Variants in DLGAP2 observed in about 807,000 individuals in gnomAD.
DLGAP2 encodes the protein DLG associated protein 2.
Under a neutral mutation model 100.3 loss-of-function variants are expected in DLGAP2, and 26 were observed. That is an observed-to-expected ratio of 0.26 (90% confidence interval 0.19 to 0.36). DLGAP2 has a LOEUF of 0.36. DLGAP2 is among the 10% of genes least tolerant of loss of function. DLGAP2 has a pLI of 1.00. For synonymous variants in DLGAP2, 886 were observed against 630.1 expected (o/e 1.41, Z -6.08); for missense variants, 1,858 against 1,453.2 (o/e 1.28, Z -4.53).
intron 1 of DLGAP2, among the ~76,000 whole-genome samples, chr8:887,158 A>G (rs1161910151): frequency 5.3e-5 from 8 of 152,054 alleles, no homozygotes; most frequent in Non-Finnish European, 1.0e-4. Context: ...TTGTTGGCTT[A>G]AAGTCTGTTT....
Position 1,192,863 on chromosome 8 carries a change from C to T in DLGAP2, c.74-65988C>T, listed in dbSNP as rs1262010790. Among the ~76,000 whole-genome samples, 3 of 151,958 alleles carry T rather than the reference C, an allele frequency of 2.0e-5. No homozygotes were observed. In the East Asian group the frequency reaches 5.8e-4, roughly 29 times the overall value. On this transcript the variant is annotated intron_variant, in intron 2 of 14. Transcript: ENST00000637795. The stretch of plus-strand genomic sequence containing the variant: ...ACAGGCCCTGGTGTGTGATGCTCCC[C>T]TTCCTGTGTCCAAGTGATTTCATTG...
chr8:1,275,927 A>G (rs1314585085), intron 3 of DLGAP2, among the ~76,000 whole-genome samples: 19 of 123,780 alleles, frequency 1.5e-4, no homozygotes, highest in African/African-American at 5.8e-4. Context: ...ATAAATATAT[A>G]TAGTATATAA....
intron 2 of DLGAP2, among the ~76,000 whole-genome samples, chr8:1,004,634 G>A (rs1222760218): frequency 6.6e-6 from 1 of 152,152 alleles, no homozygotes; most frequent in East Asian, 1.9e-4. Flanking sequence ...CTGAGCCTCT[G>A]GCTCAGTCAC....
In DLGAP2 at chr8:1,678,205, C is replaced by G. The variant is rs977196032; in HGVS notation, c.2289-9C>G. ...GGCTACCATCTGTCTTCCTTCCCTC[C>G]TTTTGCAGACACGGACGTTTTAAAC... On this transcript the variant is annotated splice_polypyrimidine_tract_variant and intron_variant, in intron 11 of 14. Transcript: ENST00000637795. The G allele has an allele frequency of 6.2e-7, 1 of 1,601,058 alleles. No individual in the cohort carries two copies. Among genetic ancestry groups the G allele is most frequent in the African/African-American group, 1.3e-5 (1 of 74,768 alleles).
intron 4 of DLGAP2, among the ~76,000 whole-genome samples, chr8:1,520,180 C>G (rs1157907792): frequency 6.6e-6 from 1 of 152,194 alleles, no homozygotes; most frequent in Non-Finnish European, 1.5e-5. Flanking sequence ...AATGGTTCAT[C>G]AGCTATCGAT....
intron 4 of DLGAP2, among the ~76,000 whole-genome samples, chr8:1,532,129 G>T (rs896795906): frequency 4.6e-5 from 7 of 152,184 alleles, no homozygotes; most frequent in African/African-American, 1.7e-4. Context: ...AGTGAGCAGA[G>T]GGATGACTTT....
chr8:1,355,848 G>A (rs886069102), intron 3 of DLGAP2, among the ~76,000 whole-genome samples: 1 of 152,028 alleles, frequency 6.6e-6, no homozygotes, highest in Non-Finnish European at 1.5e-5. Flanking sequence ...CTCAAAGCTA[G>A]TCCCCTTCAC....
chr8:1,607,451 G>C (rs1035111046), intron 6 of DLGAP2, among the ~76,000 whole-genome samples: 20 of 152,224 alleles, frequency 1.3e-4, no homozygotes, highest in Admixed American at 1.0e-3. Flanking sequence ...ATACTCCTTA[G>C]CACAATATTG....
chr8:1,491,886 G>C (rs1013956178), intron 3 of DLGAP2, among the ~76,000 whole-genome samples: 1 of 152,210 alleles, frequency 6.6e-6, no homozygotes, highest in African/African-American at 2.4e-5. Context: ...TAGTTTATCG[G>C]AAGGCATGGT....
intron 2 of DLGAP2, among the ~76,000 whole-genome samples, chr8:1,107,930 A>C (rs1804830044): frequency 6.6e-6 from 1 of 152,198 alleles, no homozygotes; most frequent in African/African-American, 2.4e-5. Flanking sequence ...GGATGTGCAC[A>C]GAACGTAACC....
intron 3 of DLGAP2, among the ~76,000 whole-genome samples, chr8:1,270,744 C>T (rs1799565795): frequency 6.7e-6 from 1 of 150,340 alleles, no homozygotes; most frequent in Non-Finnish European, 1.5e-5. Flanking sequence ...TTGTGTCTCT[C>T]TGTGTGTCTA....
intron 3 of DLGAP2, among the ~76,000 whole-genome samples, chr8:1,292,418 G>A (rs914914070): frequency 3.3e-5 from 5 of 152,174 alleles, no homozygotes; most frequent in African/African-American, 9.7e-5. Flanking sequence ...GTTGGAGGAT[G>A]GGACAGTGCG....
chr8:1,480,073 G>A (rs2130241105), intron 3 of DLGAP2, among the ~76,000 whole-genome samples: 1 of 152,322 alleles, frequency 6.6e-6, no homozygotes, highest in African/African-American at 2.4e-5. Flanking sequence ...GATGCCAAGG[G>A]TTGGCAGTGA....
chr8:780,386 A>G (rs1821651495), intron 1 of DLGAP2, among the ~76,000 whole-genome samples: 2 of 152,202 alleles, frequency 1.3e-5, no homozygotes, highest in Non-Finnish European at 1.5e-5. Context: ...TTATTCATCC[A>G]TTGACAGACA....
rs1800029897 is a variant in DLGAP2, at chr8:1,290,290, C to T, written c.106+31407C>T. ...GCTCCTGACGTGGCTACACACGGTG[C>T]ATCCAATTCCATCGAGTTGTCATTT... On this transcript the variant is annotated intron_variant, in intron 3 of 14. Coordinates refer to ENST00000637795, the MANE Select transcript of DLGAP2 (RefSeq NM_001346810.2). Among the ~76,000 whole-genome samples the T allele has an allele frequency of 2.6e-5, 4 of 152,318 alleles. No homozygotes were observed. In the Middle Eastern group the frequency reaches 0.01, roughly 389 times the overall value.
At chr8:904,670 C>T (rs11786427) in intron 1 of DLGAP2, among the ~76,000 whole-genome samples, 10,465 of 152,230 alleles carry the variant, frequency 0.069, 517 homozygotes, top group Admixed American at 0.13. Flanking sequence ...ATCAGTATTT[C>T]GGGAACACAT....
chr8:818,564 C>A (rs1796528504), intron 1 of DLGAP2, among the ~76,000 whole-genome samples: 1 of 152,150 alleles, frequency 6.6e-6, no homozygotes, highest in Admixed American at 6.5e-5. Context: ...TGCCGTAGTT[C>A]TTGGGGCAAA....
chr8:1,697,152 C>A lies in DLGAP2; in HGVS notation c.2802C>A (p.Pro934=). 7 of 1,582,988 alleles carry A rather than the reference C, an allele frequency of 4.4e-6. No individual in the cohort carries two copies. Among genetic ancestry groups the A allele is most frequent in the Non-Finnish European group, 5.2e-6 (6 of 1,163,154 alleles). The change falls in exon 14 of 15, where the codon CCC becomes CCA. Residue 934 remains proline (P), a synonymous_variant. Transcript: ENST00000637795. ...CACCCTGTGTGTGTCCCCAGGACCC[C>A]AGCGCCATGCCGAGGCCGACGTCGC... ...FYWLCQQNMD[P]SAMPRPTSQD...
At chr8:1,230,830 G>C (rs905295993) in intron 2 of DLGAP2, among the ~76,000 whole-genome samples, 1 of 152,132 alleles carries the variant, frequency 6.6e-6, no homozygotes, top group African/African-American at 2.4e-5. Context: ...CTGGATTCCT[G>C]CCTTTCAGCA....
Sources: allele counts gnomAD v4.1 joint callset (sites outside exome capture counted in the v4.1 genomes callset), GRCh38; gene constraint gnomAD v4.1.1; transcripts MANE v1.5; gene names NCBI Gene and HGNC (gene_info 2026-07-23, HGNC 2026-07-21).